Variants in SLC41A2 observed in about 807,000 individuals in gnomAD.
SLC41A2 encodes the protein SLC41A1-like 1.
In SLC41A2, 32 loss-of-function variants were observed where a neutral mutation model predicts 58.3. The observed-to-expected ratio is 0.55, with a 90% CI of 0.41 to 0.74. SLC41A2 has a LOEUF of 0.74. Among genes scored for constraint, SLC41A2 ranks in the 30% least tolerant of loss-of-function variants. The pLI is 0.00. For missense variants in SLC41A2, 514 were observed against 680.6 expected, an observed-to-expected ratio of 0.76 and a Z score of 2.72; for synonymous variants, 190 against 235.0, an observed-to-expected ratio of 0.81 and a Z score of 1.75.
intron 8 of SLC41A2, among the ~76,000 whole-genome samples, chr12:104,853,261 T>C (rs1406676524): frequency 6.6e-6 from 1 of 152,228 alleles, no homozygotes; most frequent in Non-Finnish European, 1.5e-5. Context: ...TGTCAAGAAT[T>C]CCTTTGCACA....
chr12:104,829,432 G>C (rs2041965737), intron 10 of SLC41A2, among the ~76,000 whole-genome samples: 1 of 152,188 alleles, frequency 6.6e-6, no homozygotes, highest in Non-Finnish European at 1.5e-5. Context: ...AATTCTAGAA[G>C]AGGGAAATAT....
chr12:104,931,225 G>T (rs2135900367), intron 1 of SLC41A2, among the ~76,000 whole-genome samples: 1 of 152,322 alleles, frequency 6.6e-6, no homozygotes, highest in South Asian at 2.1e-4. Flanking sequence ...AAACATATAT[G>T]CTAGACAGAT....
chr12:104,897,385 T>C (rs2045344020), intron 3 of SLC41A2, among the ~76,000 whole-genome samples: 1 of 152,074 alleles, frequency 6.6e-6, no homozygotes, highest in Non-Finnish European at 1.5e-5. Context: ...CCCCAAGTGA[T>C]TTGCCTGTCT....
At chr12:104,829,778 A>C (rs2041978597) in intron 10 of SLC41A2, among the ~76,000 whole-genome samples, 1 of 152,086 alleles carries the variant, frequency 6.6e-6, no homozygotes, top group Non-Finnish European at 1.5e-5. Flanking sequence ...ATGGCCCACA[A>C]GATGGGAATA....
chr12:104,880,343 C>G (rs1014560750), intron 6 of SLC41A2, among the ~76,000 whole-genome samples: 7 of 152,190 alleles, frequency 4.6e-5, no homozygotes, highest in African/African-American at 1.7e-4. Flanking sequence ...CCAGAACTTC[C>G]AACACTATGT....
chr12:104,895,306 T>C lies in SLC41A2; in HGVS notation c.703A>G (p.Asn235Asp). The change falls in exon 4 of 11, where the codon AAC (asparagine) becomes GAC (aspartate). Residue 235 changes from asparagine (N) to aspartate (D), a missense_variant. Physicochemically the swap from Asn to Asp is conservative, Grantham distance 23 (BLOSUM62 1). Transcript: ENST00000258538. Reference protein sequence around the residue: ...GKMDSPIEKWNLIIGNLALKQ... With the variant: ...GKMDSPIEKWDLIIGNLALKQ... Reference sequence around the variant, plus strand: ...AAAGCCAAGTTGCCAATTATTAGGTTCCACTTTTCAATGGGTGAATCCATC... The same window carrying C: ...AAAGCCAAGTTGCCAATTATTAGGTCCCACTTTTCAATGGGTGAATCCATC... 1 of 1,613,342 alleles carries C rather than the reference T, an allele frequency of 6.2e-7. No homozygotes were observed. Among genetic ancestry groups the C allele is most frequent in the African/African-American group, 1.3e-5 (1 of 75,042 alleles).
chr12:104,825,535 GT>G (rs1394725247), intron 10 of SLC41A2, among the ~76,000 whole-genome samples: 3 of 152,058 alleles, frequency 2.0e-5, no homozygotes, highest in South Asian at 4.1e-4. Context: ...CTGTTTTTCT[GT>G]TTTTTCCTTT....
At chr12:104,884,342 C>T (rs1021245798) in intron 6 of SLC41A2, among the ~76,000 whole-genome samples, 5 of 152,170 alleles carry the variant, frequency 3.3e-5, no homozygotes, top group African/African-American at 1.2e-4. Flanking sequence ...ACACTGTGGG[C>T]TGCACCCACA....
At chr12:104,833,224 A>G (rs1592959152) in intron 10 of SLC41A2, among the ~76,000 whole-genome samples, 1 of 152,198 alleles carries the variant, frequency 6.6e-6, no homozygotes, top group Admixed American at 6.5e-5. Flanking sequence ...CAATCAATAA[A>G]CTTGCCTCAT....
chr12:104,892,306 T>TA lies in SLC41A2; in HGVS notation c.735+2967dup, dbSNP rs796589517. Among the ~76,000 whole-genome samples the TA allele has an allele frequency of 3.8e-3, 466 of 123,300 alleles. 33 individuals carry two copies. Among genetic ancestry groups the TA allele is most frequent in the African/African-American group, 0.017 (442 of 26,140 alleles). 80.9% of individuals were successfully genotyped at this position (123,300 alleles called of 152,430 possible). A position where few individuals can be genotyped will look rare whatever the true frequency, so the allele number is the denominator to read the frequency against. ...ACAAGACCTCATCTCAAAAAAAAAA[T>TA]AAAATAAAATAAAATAAAATAAAAT... On this transcript the variant is annotated intron_variant, in intron 4 of 10. Coordinates refer to ENST00000258538, the MANE Select transcript of SLC41A2 (RefSeq NM_001352171.3).
Position 104,928,253 on chromosome 12 carries a change from T to C in SLC41A2, c.275A>G (p.Gln92Arg), listed in dbSNP as rs1191131655. The change falls in exon 2 of 11, where the codon CAG becomes CGG. Residue 92 changes from glutamine to arginine, a missense_variant. Gln to Arg is a conservative substitution (Grantham distance 43, BLOSUM62 1). Transcript: ENST00000258538. ...GTGCCCATTATTGGCATGAAAAGAC[T>C]GCTCTGAGAAACTGTGATACTCCAT... The part of the protein sequence containing the change: ...QHMEYHSFSE[Q>R]SFHANNGHAS... 1 of 1,614,004 alleles carries C rather than the reference T, an allele frequency of 6.2e-7. No homozygotes were observed.
At chr12:104,883,117 C>G (rs1290158652) in intron 6 of SLC41A2, among the ~76,000 whole-genome samples, 2 of 152,178 alleles carry the variant, frequency 1.3e-5, no homozygotes, top group African/African-American at 4.8e-5. Flanking sequence ...AAATCGGCTA[C>G]TGAAGCTTGT....
At chr12:104,869,685 G>A (rs1427486217) in intron 6 of SLC41A2, among the ~76,000 whole-genome samples, 1 of 152,110 alleles carries the variant, frequency 6.6e-6, no homozygotes, top group African/African-American at 2.4e-5. Flanking sequence ...TAATTCTATA[G>A]GACCCTCCTA....
At chr12:104,845,797 G>C in intron 9 of SLC41A2, 46 bp downstream of exon 9, 3 of 1,561,834 alleles carry the variant, frequency 1.9e-6, no homozygotes, top group Non-Finnish European at 2.6e-6. Flanking sequence ...ATCTTAGAGA[G>C]CAATAGCCCT....
chr12:104,898,437 C>A lies in SLC41A2; in HGVS notation c.664-3092G>T, dbSNP rs114684354. On this transcript the variant is annotated intron_variant, in intron 3 of 10. Transcript: ENST00000258538. ...TATAGATTTATAAATATAGCCACTA[C>A]AATTAATACTAGAAAAAAATATGTT... Among the ~76,000 whole-genome samples, 711 of 149,910 alleles carry A rather than the reference C, an allele frequency of 4.7e-3. 7 individuals are homozygous for A. Among genetic ancestry groups the A allele is most frequent in the African/African-American group, 0.017 (676 of 40,740 alleles).
At chr12:104,892,915 G>A (rs554555655) in intron 4 of SLC41A2, among the ~76,000 whole-genome samples, 4 of 152,106 alleles carry the variant, frequency 2.6e-5, no homozygotes, top group African/African-American at 9.6e-5. Context: ...AAAACATTAG[G>A]GGCACTCTCC....
intron 10 of SLC41A2, among the ~76,000 whole-genome samples, chr12:104,829,772 C>T (rs893436771): frequency 1.3e-5 from 2 of 151,942 alleles, no homozygotes; most frequent in Admixed American, 6.6e-5. Context: ...CCCTATATGG[C>T]CCACAAGATG....
chr12:104,805,749 T>C (rs1000777062), intron 10 of SLC41A2, among the ~76,000 whole-genome samples: 2 of 152,178 alleles, frequency 1.3e-5, no homozygotes, highest in African/African-American at 4.8e-5. Context: ...CAAATAAAGA[T>C]GGAAAACTGA....
intron 4 of SLC41A2, among the ~76,000 whole-genome samples, chr12:104,894,740 A>T (rs2045197473): frequency 6.6e-6 from 1 of 152,206 alleles, no homozygotes; most frequent in African/African-American, 2.4e-5. Context: ...CAGAAGAAAA[A>T]GAGAAACTCA....
Sources: allele counts gnomAD v4.1 joint callset (sites outside exome capture counted in the v4.1 genomes callset), GRCh38; gene constraint gnomAD v4.1.1; transcripts MANE v1.5; gene names NCBI Gene and HGNC (gene_info 2026-07-23, HGNC 2026-07-21).